SMAP1: variants seen among roughly 807,000 people sequenced by gnomAD.
The protein encoded by SMAP1 is stromal membrane-associated protein 1.
Under a neutral mutation model 58.5 loss-of-function variants are expected in SMAP1, and 24 were observed. The ratio of observed to expected loss-of-function variants is 0.41; its 90% CI spans 0.30 to 0.58. SMAP1 has a LOEUF of 0.58. SMAP1 is among the 20% of genes least tolerant of loss of function. The pLI is 0.29. For missense variants in SMAP1, 563 were observed against 566.3 expected, an observed-to-expected ratio of 0.99 and a Z score of 0.06; for synonymous variants, 216 against 196.6, an observed-to-expected ratio of 1.10 and a Z score of -0.82.
At chr6:70,713,195 C>T (rs1320427720) in intron 1 of SMAP1, among the ~76,000 whole-genome samples, 1 of 152,064 alleles carries the variant, frequency 6.6e-6, no homozygotes, top group Non-Finnish European at 1.5e-5. Flanking sequence ...GGGAGTTTGT[C>T]AGTTTTATTT....
At chr6:70,668,501 G>T in intron 1 of SMAP1, 1 of 1,477,248 alleles carries the variant, frequency 6.8e-7, no homozygotes, top group Non-Finnish European at 8.9e-7. Flanking sequence ...TAGGGTTAGA[G>T]AGTTGCCCTC....
chr6:70,723,050 G>C (rs528390361), intron 1 of SMAP1, among the ~76,000 whole-genome samples: 5 of 152,188 alleles, frequency 3.3e-5, no homozygotes, highest in Non-Finnish European at 7.3e-5. Flanking sequence ...AAACATTTCT[G>C]AGTAAACTTT....
chr6:70,773,635 C>T (rs866650759), intron 4 of SMAP1, among the ~76,000 whole-genome samples: 1 of 152,160 alleles, frequency 6.6e-6, no homozygotes, highest in Non-Finnish European at 1.5e-5. Context: ...CTAATAACCA[C>T]TTACATGGCA....
At chr6:70,722,777 A>C (rs546638029) in intron 1 of SMAP1, among the ~76,000 whole-genome samples, 3 of 152,376 alleles carry the variant, frequency 2.0e-5, no homozygotes, top group Admixed American at 6.5e-5. Flanking sequence ...CAGATCGCTC[A>C]TGCTATTTTT....
rs780872001 is a variant in SMAP1 at position 70,860,237 on chromosome 6, C to G, written c.1307C>G (p.Ala436Gly). The change falls in exon 11 of 11, where the codon GCA (alanine) becomes GGA (glycine). Residue 436 changes from alanine (A) to glycine (G), a missense_variant. Transcript: ENST00000370455. ...QQMAGMSISS[A>G]TPTAGFGQPS... ...ATGGCTGGCATGAGTATCAGTAGTG[C>G]AACCCCTACTGCAGGTTTTGGCCAG... is the stretch of plus-strand genomic sequence containing the variant. The G allele has an allele frequency of 6.2e-7, 1 of 1,613,510 alleles. No homozygotes were observed.
rs566379089 is a variant in SMAP1 at position 70,722,060 on chromosome 6, G to A, written c.119-10318G>A. 2.8e-4 allele frequency among the ~76,000 whole-genome samples: 43 copies of A among 152,232 alleles called. 1 individual carries two copies. The South Asian group carries it at 8.9e-3, about 32-fold the overall frequency. On this transcript the variant is annotated intron_variant, in intron 1 of 10. Coordinates refer to ENST00000370455, the MANE Select transcript of SMAP1 (RefSeq NM_001044305.3). Reference sequence around the variant, plus strand: ...CAGGAAATTATCATTGATATCTATAGAACTTACATTTCATCAATTGTCACA... The same window carrying A: ...CAGGAAATTATCATTGATATCTATAAAACTTACATTTCATCAATTGTCACA...
chr6:70,754,330 T>C (rs937357187), intron 2 of SMAP1, among the ~76,000 whole-genome samples: 1 of 152,120 alleles, frequency 6.6e-6, no homozygotes, highest in Non-Finnish European at 1.5e-5. Flanking sequence ...GTTTTATTCT[T>C]ACTGAGCAAT....
chr6:70,733,255 T>A (rs1345335711), intron 2 of SMAP1, among the ~76,000 whole-genome samples: 4 of 152,214 alleles, frequency 2.6e-5, no homozygotes, highest in African/African-American at 9.7e-5. Flanking sequence ...CTCAGAATCT[T>A]AACCCAATAG....
At chr6:70,727,211 C>T (rs1284493565) in intron 1 of SMAP1, among the ~76,000 whole-genome samples, 1 of 152,014 alleles carries the variant, frequency 6.6e-6, no homozygotes, top group Non-Finnish European at 1.5e-5. Flanking sequence ...AGGGTTCAAG[C>T]GATTCTCACA....
chr6:70,855,782 CT>C (rs1162072912), intron 8 of SMAP1, among the ~76,000 whole-genome samples: 1 of 152,206 alleles, frequency 6.6e-6, no homozygotes, highest in African/African-American at 2.4e-5. Flanking sequence ...CTATGATCTG[CT>C]GCTGCTTCAT....
At chr6:70,833,074 G>A (rs974844490) in intron 6 of SMAP1, among the ~76,000 whole-genome samples, 3 of 152,140 alleles carry the variant, frequency 2.0e-5, no homozygotes, top group Non-Finnish European at 4.4e-5. Flanking sequence ...CAAGAAAACT[G>A]TATAGAAAAT....
intron 7 of SMAP1, among the ~76,000 whole-genome samples, chr6:70,838,744 T>G (rs1582288571): frequency 3.5e-5 from 5 of 141,770 alleles, no homozygotes; most frequent in African/African-American, 1.1e-4. Flanking sequence ...AAGGAGGGGG[T>G]AGGGAGGGGG....
chr6:70,807,237 G>A (rs1013564050), intron 6 of SMAP1, among the ~76,000 whole-genome samples: 6 of 152,142 alleles, frequency 3.9e-5, no homozygotes, highest in African/African-American at 1.4e-4. Context: ...GTCTCATTGA[G>A]GTTTACATTT....
chr6:70,683,811 C>T (rs184905407), intron 1 of SMAP1, among the ~76,000 whole-genome samples: 154 of 152,250 alleles, frequency 1.0e-3, no homozygotes, highest in Admixed American at 2.0e-3. Context: ...GTCTGCTATA[C>T]TAGAGAGATA....
chr6:70,763,262 G>C (rs1181410281), intron 3 of SMAP1, among the ~76,000 whole-genome samples: 2 of 151,832 alleles, frequency 1.3e-5, no homozygotes, highest in Non-Finnish European at 2.9e-5. Flanking sequence ...TTTTTTATTA[G>C]TAGTATATCT....
At chr6:70,811,970 T>C (rs1377483294) in intron 6 of SMAP1, among the ~76,000 whole-genome samples, 1 of 152,178 alleles carries the variant, frequency 6.6e-6, no homozygotes, top group Non-Finnish European at 1.5e-5. Context: ...GGGTAGCGTA[T>C]AAAGCGTGGA....
chr6:70,787,756 T>A (rs1768127440), intron 4 of SMAP1, among the ~76,000 whole-genome samples: 1 of 151,504 alleles, frequency 6.6e-6, no homozygotes, highest in Non-Finnish European at 1.5e-5. Flanking sequence ...TGAGATACCG[T>A]CTCACACCAG....
intron 1 of SMAP1, among the ~76,000 whole-genome samples, chr6:70,723,015 G>T (rs1279601727): frequency 6.6e-6 from 1 of 152,218 alleles, no homozygotes; most frequent in Admixed American, 6.5e-5. Context: ...TTAGGGAATA[G>T]GTTGTTTGGG....
chr6:70,708,678 T>TAC (rs1767936787), intron 1 of SMAP1, among the ~76,000 whole-genome samples: 1 of 152,198 alleles, frequency 6.6e-6, no homozygotes, highest in Non-Finnish European at 1.5e-5. Flanking sequence ...GAAGTGATAT[T>TAC]ACACAGTGGT....
Sources: gnomAD v4.1 joint callset for allele counts (sites outside exome capture counted in the v4.1 genomes callset) on GRCh38, gnomAD v4.1.1 for gene constraint, MANE v1.5 for transcripts, NCBI Gene and HGNC (gene_info 2026-07-23, HGNC 2026-07-21) for gene names.